PLCL1: variants seen among roughly 807,000 people sequenced by gnomAD.
The protein encoded by PLCL1 is inactive phospholipase C-like protein 1.
Under a neutral mutation model 84.4 loss-of-function variants are expected in PLCL1, and 41 were observed. The ratio of observed to expected loss-of-function variants is 0.49; its 90% CI spans 0.38 to 0.63. PLCL1 has a LOEUF of 0.63. Among genes scored for constraint, PLCL1 ranks in the 30% least tolerant of loss-of-function variants. The pLI is 0.00. For synonymous variants in PLCL1, 490 were observed against 488.3 expected (o/e 1.00, Z -0.05); for missense variants, 1,206 against 1,367.8 (o/e 0.88, Z 1.87).
At chr2:197,823,026 A>G (rs1405709088) in intron 1 of PLCL1, among the ~76,000 whole-genome samples, 1 of 152,138 alleles carries the variant, frequency 6.6e-6, no homozygotes, top group Non-Finnish European at 1.5e-5. Context: ...GGAAGCAATT[A>G]TAGGTAAAAA....
rs1694575821 is a variant in PLCL1, at chr2:198,148,323, ATAGCTTCTGTGT to A, written c.*1364_*1375del. Reference sequence around the variant, plus strand: ...AATTTTGCAAATATAAACATCTCCTATAGCTTCTGTGTTATTTCTGACTTCTTAACACTATTA... The same window carrying A: ...AATTTTGCAAATATAAACATCTCCTATATTTCTGACTTCTTAACACTATTA... On this transcript the variant is annotated 3_prime_UTR_variant, in exon 6 of 6. Transcript: ENST00000428675. 6.6e-6 allele frequency: 1 copy of A among 152,358 alleles called. No individual in the cohort carries two copies. The highest frequency in any genetic ancestry group is 2.4e-5 in the African/African-American group (1 of 41,462). 9.4% of individuals were successfully genotyped at this position (152,358 alleles called of 1,614,324 possible).
chr2:197,885,304 A>G (rs144835953), intron 1 of PLCL1, among the ~76,000 whole-genome samples: 1 of 152,290 alleles, frequency 6.6e-6, no homozygotes, highest in Non-Finnish European at 1.5e-5. Context: ...CTGGTGGTGT[A>G]ATTCAGTCTG....
intron 5 of PLCL1, among the ~76,000 whole-genome samples, chr2:198,121,757 ATCTTTTCC>A (rs1198814763): frequency 6.6e-6 from 1 of 152,026 alleles, no homozygotes. Context: ...ACTCAGTTTC[ATCTTTTCC>A]TACCAGAGTA....
intron 1 of PLCL1, among the ~76,000 whole-genome samples, chr2:197,969,676 G>A (rs1247175548): frequency 6.6e-6 from 1 of 152,122 alleles, no homozygotes; most frequent in Non-Finnish European, 1.5e-5. Context: ...TCAGTCTTCT[G>A]AGCAGATGAT....
At chr2:197,923,959 C>T (rs567638589) in intron 1 of PLCL1, among the ~76,000 whole-genome samples, 2 of 151,736 alleles carry the variant, frequency 1.3e-5, no homozygotes, top group Admixed American at 6.6e-5. Context: ...GGCTGGAGAC[C>T]GGCCCGGCCA....
At position 197,870,609 on chromosome 2, in the gene PLCL1, G is replaced by T. The variant is rs967208853; in HGVS notation, c.240+65270G>T. On this transcript the variant is annotated intron_variant, in intron 1 of 5. Coordinates refer to ENST00000428675, the MANE Select transcript of PLCL1 (RefSeq NM_006226.4). ...AGAGAGTGTTACCATATTTGTTAGC[G>T]GGAAGGGAAGAGAGAAAAGTGTCAG... 1.1e-4 allele frequency among the ~76,000 whole-genome samples: 17 copies of T among 152,032 alleles called. 1 individual carries two copies. Among genetic ancestry groups the T allele is most frequent in the Admixed American group, 9.2e-4 (14 of 15,250 alleles).
chr2:198,042,410 C>A (rs901346280), intron 1 of PLCL1, among the ~76,000 whole-genome samples: 3 of 152,122 alleles, frequency 2.0e-5, no homozygotes, highest in African/African-American at 7.2e-5. Flanking sequence ...AATAGCACAC[C>A]AGCTGAACCG....
intron 1 of PLCL1, among the ~76,000 whole-genome samples, chr2:197,912,092 A>G (rs1339531410): frequency 6.6e-6 from 1 of 152,220 alleles, no homozygotes; most frequent in Non-Finnish European, 1.5e-5. Context: ...TGCCTTAGCT[A>G]TCACACGAGG....
chr2:198,141,231 T>A (rs1694378273), intron 5 of PLCL1, among the ~76,000 whole-genome samples: 1 of 152,198 alleles, frequency 6.6e-6, no homozygotes, highest in African/African-American at 2.4e-5. Flanking sequence ...TGCTGAGGTG[T>A]TGCAAAACAG....
At chr2:197,976,993 G>GCTCATTT (rs1689995745) in intron 1 of PLCL1, among the ~76,000 whole-genome samples, 1 of 152,220 alleles carries the variant, frequency 6.6e-6, no homozygotes, top group East Asian at 1.9e-4. Context: ...CATGTGGACC[G>GCTCATTT]TTTGGTCTGC....
chr2:198,035,487 T>C (rs1474533127), intron 1 of PLCL1, among the ~76,000 whole-genome samples: 3 of 152,192 alleles, frequency 2.0e-5, no homozygotes. Context: ...TTTTGTTTGT[T>C]TGTTTGTTTT....
intron 3 of PLCL1, among the ~76,000 whole-genome samples, chr2:198,090,492 A>G (rs1029147028): frequency 6.6e-6 from 1 of 152,226 alleles, no homozygotes; most frequent in Non-Finnish European, 1.5e-5. Context: ...TTGTCATTAA[A>G]AAACAAGTAG....
chr2:198,032,227 G>T (rs1224283144), intron 1 of PLCL1, among the ~76,000 whole-genome samples: 1 of 152,140 alleles, frequency 6.6e-6, no homozygotes. Context: ...AACATCAAAA[G>T]AAGTCAGCCT....
At chr2:197,846,236 A>G (rs115893490) in intron 1 of PLCL1, among the ~76,000 whole-genome samples, 97 of 152,256 alleles carry the variant, frequency 6.4e-4, no homozygotes, top group African/African-American at 2.2e-3. Context: ...ATTTGGTGGA[A>G]GTATTTGATA....
At chr2:198,103,689 G>A in intron 4 of PLCL1, 138 bp from the exon 5 acceptor site, 2 of 543,214 alleles carry the variant, frequency 3.7e-6, no homozygotes, top group Non-Finnish European at 6.6e-6. Flanking sequence ...AGAATGAAAA[G>A]GATAATTCAA....
At chr2:197,961,788 T>C (rs181460475) in intron 1 of PLCL1, among the ~76,000 whole-genome samples, 1 of 152,022 alleles carries the variant, frequency 6.6e-6, no homozygotes, top group African/African-American at 2.4e-5. Flanking sequence ...ATTTACAGGA[T>C]AGGTGATAAT....
chr2:197,975,628 A>AC (rs11423326), intron 1 of PLCL1, among the ~76,000 whole-genome samples: 28,102 of 151,682 alleles, frequency 0.19, 2,667 homozygotes, highest in Middle Eastern at 0.27. Context: ...ACAGAGTGAG[A>AC]CCCCCCCATC....
chr2:197,910,550 G>C (rs2105745691), intron 1 of PLCL1, among the ~76,000 whole-genome samples: 1 of 152,304 alleles, frequency 6.6e-6, no homozygotes, highest in South Asian at 2.1e-4. Flanking sequence ...GAGAAACTCT[G>C]TTTCTTACTG....
chr2:197,896,343 G>C (rs769052589), intron 1 of PLCL1, among the ~76,000 whole-genome samples: 8 of 151,876 alleles, frequency 5.3e-5, no homozygotes, highest in Non-Finnish European at 1.2e-4. Flanking sequence ...TAAGTAAGTA[G>C]AGTAGTATAA....
Sources: allele counts gnomAD v4.1 joint callset (sites outside exome capture counted in the v4.1 genomes callset), GRCh38; gene constraint gnomAD v4.1.1; transcripts MANE v1.5; gene names NCBI Gene and HGNC (gene_info 2026-07-23, HGNC 2026-07-21).